FRMPD4: variants seen among roughly 807,000 people sequenced by gnomAD.
FRMPD4 encodes the protein FERM and PDZ domain containing 4.
FRMPD4 carries 22 observed loss-of-function variants against 94.1 expected under a neutral mutation model. That is an observed-to-expected ratio of 0.23 (90% CI 0.17 to 0.33). FRMPD4 has a LOEUF of 0.33. Among genes scored for constraint, FRMPD4 ranks in the 10% least tolerant of loss-of-function variants. The pLI, the probability that FRMPD4 is intolerant of heterozygous loss-of-function variation, is 1.00. For missense variants in FRMPD4, 1,111 were observed against 1,339.9 expected (o/e 0.83, Z 2.67); for synonymous variants, 631 against 548.6 (o/e 1.15, Z -2.10).
At chrX:11,850,706 A>C (rs1206723009) in intron 1 of FRMPD4, among the ~76,000 whole-genome samples, 2 of 112,454 alleles carry the variant, frequency 1.8e-5, no homozygotes, top group East Asian at 5.6e-4. Flanking sequence ...GCCAGTCACA[A>C]AAAGACAAGT....
intron 3 of FRMPD4, among the ~76,000 whole-genome samples, chrX:11,904,528 C>G (rs2053957355): frequency 8.9e-6 from 1 of 112,398 alleles, no homozygotes; most frequent in South Asian, 3.7e-4. Flanking sequence ...GTTCTACCAA[C>G]AGTGAGTCAA....
At chrX:12,244,223 G>C (rs1005026107) in intron 1 of FRMPD4, among the ~76,000 whole-genome samples, 72 of 111,037 alleles carry the variant, frequency 6.5e-4, no homozygotes, top group African/African-American at 2.3e-3. Flanking sequence ...ATCAGTTGGA[G>C]TCCAGCCCAG....
chrX:12,574,600 C>A (rs2058791634), intron 2 of FRMPD4, among the ~76,000 whole-genome samples: 1 of 111,213 alleles, frequency 9.0e-6, no homozygotes, highest in Non-Finnish European at 1.9e-5. Context: ...CAGACTCAAG[C>A]AATCCTCCCA....
chrX:12,200,840 A>G (rs1232587917), intron 1 of FRMPD4, among the ~76,000 whole-genome samples: 1 of 112,817 alleles, frequency 8.9e-6, no homozygotes, highest in African/African-American at 3.2e-5. Context: ...TCAAAGGAGA[A>G]TCCAAAGAAT....
intron 5 of FRMPD4, among the ~76,000 whole-genome samples, chrX:12,678,831 A>G (rs145369338): frequency 7.8e-4 from 88 of 112,166 alleles, no homozygotes; most frequent in African/African-American, 2.6e-3. Context: ...GTCTCAAAAA[A>G]CAAAAAAGAG....
At chrX:11,997,176 A>G (rs1427730757) in intron 3 of FRMPD4, among the ~76,000 whole-genome samples, 1 of 111,223 alleles carries the variant, frequency 9.0e-6, no homozygotes, top group Non-Finnish European at 1.9e-5. Context: ...CCTGAAGATT[A>G]TGAGATAGGG....
intron 1 of FRMPD4, among the ~76,000 whole-genome samples, chrX:12,389,439 C>T (rs1005635096): frequency 9.4e-5 from 10 of 106,926 alleles, no homozygotes; most frequent in African/African-American, 3.4e-4. Context: ...CTCACCACTG[C>T]ACTCCAGCCT....
chrX:11,825,521 T>C (rs1247909901), intron 1 of FRMPD4, among the ~76,000 whole-genome samples: 1 of 111,033 alleles, frequency 9.0e-6, no homozygotes, highest in East Asian at 2.8e-4. Context: ...TATGAGGTTA[T>C]GTAGGAGTGA....
intron 1 of FRMPD4, among the ~76,000 whole-genome samples, chrX:12,199,009 A>T (rs1408000050): frequency 1.8e-5 from 2 of 111,441 alleles, no homozygotes; most frequent in Non-Finnish European, 3.8e-5. Context: ...AAACATATTA[A>T]TACAGATGCA....
intron 3 of FRMPD4, among the ~76,000 whole-genome samples, chrX:12,015,129 T>C (rs746436352): frequency 9.0e-6 from 1 of 111,427 alleles, no homozygotes; most frequent in Non-Finnish European, 1.9e-5. Context: ...AAAAGTGTGG[T>C]CAAAGGGATT....
chrX:12,455,315 T>C (rs2057322058), intron 1 of FRMPD4, among the ~76,000 whole-genome samples: 1 of 111,996 alleles, frequency 8.9e-6, no homozygotes, highest in Admixed American at 9.5e-5. Context: ...TATCCTATAG[T>C]TCTGACAAAA....
chrX:12,500,633 A>G (rs1162270820), intron 2 of FRMPD4, among the ~76,000 whole-genome samples: 1 of 110,892 alleles, frequency 9.0e-6, no homozygotes, highest in Non-Finnish European at 1.9e-5. Flanking sequence ...TTTCCTAAGG[A>G]TATGCTCACA....
chrX:12,574,878 C>T (rs888770565), intron 2 of FRMPD4, among the ~76,000 whole-genome samples: 2 of 112,031 alleles, frequency 1.8e-5, no homozygotes, highest in African/African-American at 6.5e-5. Context: ...CATCTTCAAC[C>T]CAATAAAATG....
chrX:11,923,881 T>C (rs2054071367), intron 3 of FRMPD4, among the ~76,000 whole-genome samples: 1 of 112,451 alleles, frequency 8.9e-6, no homozygotes, highest in African/African-American at 3.2e-5. Flanking sequence ...CCTTCTTCTT[T>C]CCTCTAAATG....
At chrX:12,030,393 G>A (rs758520775) in intron 3 of FRMPD4, among the ~76,000 whole-genome samples, 26 of 112,052 alleles carry the variant, frequency 2.3e-4, no homozygotes, top group Admixed American at 2.0e-3. Context: ...GGTACTTGGG[G>A]TCCTCTTCTA....
At chrX:11,994,725 A>C (rs1225854345) in intron 3 of FRMPD4, among the ~76,000 whole-genome samples, 2 of 111,964 alleles carry the variant, frequency 1.8e-5, no homozygotes, top group Non-Finnish European at 3.8e-5. Context: ...CATTAGATCT[A>C]AAATACTATT....
chrX:12,283,455 AGGTCAGAT>A (rs1167122979), intron 1 of FRMPD4, among the ~76,000 whole-genome samples: 1 of 112,365 alleles, frequency 8.9e-6, no homozygotes, highest in Non-Finnish European at 1.9e-5. Context: ...AGCTTAGACA[AGGTCAGAT>A]GGTGGCACAT....
At position 12,334,571 on chromosome X, in the gene FRMPD4, A is replaced by T. The variant is rs750982083; in HGVS notation, c.42-164109A>T. On this transcript the variant is annotated intron_variant, in intron 1 of 16. Coordinates refer to ENST00000675598, the MANE Select transcript of FRMPD4 (RefSeq NM_001368397.1). ...ACTAAGCCTCTCTCTGTTCCTCTGCATAAATAGGTGTGGTATTTGCAGAAC... is the reference window on the plus strand; with the variant it reads ...ACTAAGCCTCTCTCTGTTCCTCTGCTTAAATAGGTGTGGTATTTGCAGAAC... Among the ~76,000 whole-genome samples, 105 of 110,407 alleles carry T rather than the reference A, an allele frequency of 9.5e-4. No individual in the cohort carries two copies. In the Admixed American group the frequency reaches 0.01, roughly 11 times the overall value.
intron 1 of FRMPD4, among the ~76,000 whole-genome samples, chrX:11,861,452 A>G (rs1330903003): frequency 1.8e-5 from 2 of 111,794 alleles, no homozygotes; most frequent in Non-Finnish European, 3.8e-5. Context: ...CACAAACACA[A>G]AAAACAAAAT....
Sources: allele counts gnomAD v4.1 joint callset (sites outside exome capture counted in the v4.1 genomes callset), GRCh38; gene constraint gnomAD v4.1.1; transcripts MANE v1.5; gene names NCBI Gene and HGNC (gene_info 2026-07-23, HGNC 2026-07-21).